Variants in PRELID2 observed in about 807,000 individuals in gnomAD.
The protein encoded by PRELID2 is PRELI domain containing 2.
In PRELID2, 25 loss-of-function variants were observed where a neutral mutation model predicts 28.4. The observed-to-expected ratio is 0.88, with a 90% confidence interval of 0.64 to 1.23. The LOEUF (loss-of-function observed/expected upper bound fraction) is 1.23. PRELID2 is among the 50% of genes most tolerant of loss of function. The pLI, the probability that PRELID2 is intolerant of heterozygous loss-of-function variation, is 0.00. For missense variants in PRELID2, 201 were observed against 214.4 expected (o/e 0.94, Z 0.39); for synonymous variants, 76 against 71.6 (o/e 1.06, Z -0.31).
chr5:145,329,471 A>C, the PRELID2 span, among the ~76,000 whole-genome samples: 2 of 152,240 alleles, frequency 1.3e-5, no homozygotes, highest in African/African-American at 4.8e-5. Flanking sequence ...ACTGGTTTGT[A>C]GTTCTCCTTG....
At chr5:145,525,363 C>T (rs1408536353) in intron 1 of PRELID2, among the ~76,000 whole-genome samples, 1 of 152,308 alleles carries the variant, frequency 6.6e-6, no homozygotes, top group East Asian at 1.9e-4. Flanking sequence ...CACACACACC[C>T]TTGTTCTCCA....
the PRELID2 span, among the ~76,000 whole-genome samples, chr5:145,289,316 T>C: frequency 9.9e-5 from 15 of 152,180 alleles, no homozygotes; most frequent in South Asian, 4.1e-4. Context: ...TTATAGCTTT[T>C]CCTTTTCCAG....
chr5:145,254,062 G>T, the PRELID2 span, among the ~76,000 whole-genome samples: 4 of 151,972 alleles, frequency 2.6e-5, no homozygotes, highest in Non-Finnish European at 4.4e-5. Context: ...TTATTCCTCG[G>T]CTGAGAACTT....
At chr5:145,469,618 G>A (rs116023761), downstream of PRELID2, among the ~76,000 whole-genome samples, 719 of 152,142 alleles carry the variant, frequency 4.7e-3, 9 homozygotes, top group African/African-American at 0.016. Flanking sequence ...CAGCGACACC[G>A]AACTGATAGA....
At chr5:145,385,387 A>T in the PRELID2 span, among the ~76,000 whole-genome samples, 2 of 152,120 alleles carry the variant, frequency 1.3e-5, no homozygotes, top group African/African-American at 4.8e-5. Flanking sequence ...CTTCCATAGC[A>T]TTTTGAAGTA....
At chr5:145,502,373 T>C (rs371666230) in intron 1 of PRELID2, among the ~76,000 whole-genome samples, 13 of 152,212 alleles carry the variant, frequency 8.5e-5, no homozygotes, top group African/African-American at 2.9e-4. Context: ...AATCACCTTC[T>C]ACCAGGCCCC....
the PRELID2 span, among the ~76,000 whole-genome samples, chr5:145,412,236 C>A: frequency 6.6e-5 from 10 of 152,190 alleles, no homozygotes; most frequent in Non-Finnish European, 2.9e-5. Flanking sequence ...TCCTGCATAA[C>A]CAGGCTGCAA....
chr5:145,365,704 G>T, the PRELID2 span, among the ~76,000 whole-genome samples: 1 of 151,750 alleles, frequency 6.6e-6, no homozygotes, highest in African/African-American at 2.4e-5. Flanking sequence ...TAAATAATGT[G>T]CCTCCCTCAA....
At chr5:145,380,743 T>A in the PRELID2 span, among the ~76,000 whole-genome samples, 1 of 152,192 alleles carries the variant, frequency 6.6e-6, no homozygotes, top group Non-Finnish European at 1.5e-5. Context: ...TTCAGTTGAA[T>A]GAAATAATGA....
At chr5:145,572,689 G>T (rs547805528) in intron 1 of PRELID2, among the ~76,000 whole-genome samples, 1 of 152,114 alleles carries the variant, frequency 6.6e-6, no homozygotes, top group Non-Finnish European at 1.5e-5. Flanking sequence ...GTCTCTCCCA[G>T]TTTCATATGT....
intron 5 of PRELID2, among the ~76,000 whole-genome samples, chr5:145,781,369 TC>T (rs1751575760): frequency 6.6e-6 from 1 of 152,072 alleles, no homozygotes; most frequent in Non-Finnish European, 1.5e-5. Flanking sequence ...TATTAGTCCC[TC>T]AGCTGATATG....
intron 1 of PRELID2, chr5:145,728,430 A>C (rs1756238681): frequency 3.5e-6 from 2 of 564,514 alleles, no homozygotes; most frequent in South Asian, 3.9e-5. Context: ...TCAGCAAGAG[A>C]CAAAACAGGG....
intron 1 of PRELID2, among the ~76,000 whole-genome samples, chr5:145,561,154 A>C (rs555311695): frequency 6.6e-6 from 1 of 152,254 alleles, no homozygotes; most frequent in Non-Finnish European, 1.5e-5. Context: ...TACAACACAC[A>C]ATCTGTATAT....
At chr5:145,302,052 T>C in the PRELID2 span, among the ~76,000 whole-genome samples, 1 of 151,998 alleles carries the variant, frequency 6.6e-6, no homozygotes, top group East Asian at 1.9e-4. Flanking sequence ...ATTACATTGA[T>C]TCATTAGATA....
At chr5:145,418,821 T>A in the PRELID2 span, among the ~76,000 whole-genome samples, 2 of 151,750 alleles carry the variant, frequency 1.3e-5, no homozygotes, top group Non-Finnish European at 2.9e-5. Flanking sequence ...GCTGGTGCGC[T>A]GCACCCACTA....
At chr5:145,587,508 C>G (rs1406065585) in intron 1 of PRELID2, among the ~76,000 whole-genome samples, 2 of 152,150 alleles carry the variant, frequency 1.3e-5, no homozygotes, top group Admixed American at 6.6e-5. Flanking sequence ...AAATTCAGCT[C>G]TAACTTTGCA....
intron 1 of PRELID2, among the ~76,000 whole-genome samples, chr5:145,742,323 G>GGT (rs1554088325): frequency 3.3e-5 from 2 of 61,166 alleles, no homozygotes; most frequent in African/African-American, 9.3e-5. Context: ...AATAAAAATA[G>GGT]ATATATTTTT....
At chr5:145,768,369 C>G (rs1299044082) in intron 5 of PRELID2, among the ~76,000 whole-genome samples, 1 of 152,112 alleles carries the variant, frequency 6.6e-6, no homozygotes, top group Non-Finnish European at 1.5e-5. Flanking sequence ...ACAACAGACC[C>G]AGTTAACAAA....
the PRELID2 span, among the ~76,000 whole-genome samples, chr5:145,359,442 T>C: frequency 1.3e-5 from 2 of 152,172 alleles, no homozygotes; most frequent in African/African-American, 4.8e-5. Flanking sequence ...GTTTAGAATT[T>C]CTCAAGAAAA....
Sources: allele counts gnomAD v4.1 joint callset (sites outside exome capture counted in the v4.1 genomes callset), GRCh38; gene constraint gnomAD v4.1.1; transcripts MANE v1.5; gene names NCBI Gene and HGNC (gene_info 2026-07-23, HGNC 2026-07-21).